The following HDAC4 variants were observed in gnomAD, a reference collection of about 807,000 sequenced individuals.
HDAC4 encodes the protein histone deacetylase A.
A neutral mutation model predicts 135.1 loss-of-function variants in HDAC4; 16 were observed. That is an observed-to-expected ratio of 0.12 (90% confidence interval 0.08 to 0.18). The LOEUF is 0.18. HDAC4 is among the 10% of genes least tolerant of loss of function. The probability of loss-of-function intolerance (pLI) is 1.00; values close to 1 mark genes in which losing one functional copy is unlikely to be tolerated. For synonymous variants in HDAC4, 685 were observed against 653.4 expected (o/e 1.05, Z -0.74); for missense variants, 1,143 against 1,511.8 (o/e 0.76, Z 4.05).
chr2:239,120,674 G>A (rs1043449745), intron 12 of HDAC4, among the ~76,000 whole-genome samples: 27 of 151,878 alleles, frequency 1.8e-4, no homozygotes, highest in East Asian at 1.9e-4. Flanking sequence ...AGGGGACCCT[G>A]TGGGGCTGCC....
At chr2:239,310,614 G>A (rs1261465212) in intron 2 of HDAC4, among the ~76,000 whole-genome samples, 1 of 152,176 alleles carries the variant, frequency 6.6e-6, no homozygotes, top group Non-Finnish European at 1.5e-5. Context: ...AGGGCTAAAT[G>A]GCTTCAGGAG....
At chr2:239,169,265 C>T (rs946001639) in intron 5 of HDAC4, among the ~76,000 whole-genome samples, 3 of 152,222 alleles carry the variant, frequency 2.0e-5, no homozygotes, top group African/African-American at 7.2e-5. Context: ...CCTGGGCTAC[C>T]GGCGAACCAC....
chr2:239,133,879 A>G lies in HDAC4; in HGVS notation c.1294+366T>C, dbSNP rs570829558. Among the ~76,000 whole-genome samples, 34 of 152,336 alleles carry G rather than the reference A, an allele frequency of 2.2e-4. No individual in the cohort carries two copies. The South Asian group carries it at 3.7e-3, about 17-fold the overall frequency. ...TTTTTCTAAATGTAACCACTCCCCC[A>G]GACAGTGCACATTTGTAAAAGTTCG... is the stretch of plus-strand genomic sequence containing the variant. On this transcript the variant is annotated intron_variant, in intron 11 of 26. Transcript: ENST00000543185.
chr2:239,057,041 C>A (rs974248426), intron 24 of HDAC4, among the ~76,000 whole-genome samples: 1 of 152,172 alleles, frequency 6.6e-6, no homozygotes, highest in Middle Eastern at 3.2e-3. Flanking sequence ...GGAGAAAGGG[C>A]AGTTGTGGTA....
At chr2:239,112,778 C>T (rs905086279) in intron 13 of HDAC4, among the ~76,000 whole-genome samples, 2 of 152,212 alleles carry the variant, frequency 1.3e-5, no homozygotes, top group South Asian at 2.1e-4. Context: ...GGGAGCTCTG[C>T]GCCAATCCTG....
intron 2 of HDAC4, among the ~76,000 whole-genome samples, chr2:239,283,515 G>C (rs909672841): frequency 1.3e-5 from 2 of 152,234 alleles, no homozygotes; most frequent in Admixed American, 6.5e-5. Flanking sequence ...AGGCTAGAAG[G>C]GGCCTGACCA....
chr2:239,371,867 G>C (rs1184177043), intron 1 of HDAC4, among the ~76,000 whole-genome samples: 1 of 152,242 alleles, frequency 6.6e-6, no homozygotes, highest in Non-Finnish European at 1.5e-5. Flanking sequence ...GGAATCAAGT[G>C]ATAGCACAGG....
chr2:239,122,704 G>A lies in HDAC4; in HGVS notation c.1533+3752C>T, dbSNP rs145595133. Among the ~76,000 whole-genome samples the A allele has an allele frequency of 4.6e-5, 7 of 152,366 alleles. No individual in the cohort carries two copies. The East Asian group carries it at 1.3e-3, about 29-fold the overall frequency. The stretch of plus-strand genomic sequence containing the variant: ...CAGGCTGCAGGCCTCGGGAAAACTA[G>A]AGTGGCTACATATGGCTGCAGGGAA... On this transcript the variant is annotated intron_variant, in intron 12 of 26. Transcript: ENST00000543185.
At chr2:239,063,054 T>C (rs937455742) in intron 24 of HDAC4, among the ~76,000 whole-genome samples, 1 of 152,174 alleles carries the variant, frequency 6.6e-6, no homozygotes, top group Non-Finnish European at 1.5e-5. Context: ...GGCTAAGTCT[T>C]GTGCCCTTGG....
intron 2 of HDAC4, among the ~76,000 whole-genome samples, chr2:239,290,583 A>G (rs946252571): frequency 9.3e-5 from 7 of 75,472 alleles, no homozygotes; most frequent in African/African-American, 3.5e-4. Context: ...GGGAGTAGGC[A>G]CACACACACA....
Position 239,341,956 on chromosome 2 carries a change from C to T in HDAC4, c.22+10722G>A, listed in dbSNP as rs1045468872. ...CTTATTATAGAGGTTCAAGTGAGAC[C>T]CCTCACCCCTTCCAACAGGTGAGGA... On this transcript the variant is annotated intron_variant, in intron 2 of 26. Coordinates refer to ENST00000543185, the MANE Select transcript of HDAC4 (RefSeq NM_001378414.1). Among the ~76,000 whole-genome samples, 8 of 152,084 alleles carry T rather than the reference C, an allele frequency of 5.3e-5. No individual in the cohort carries two copies. The South Asian group carries it at 8.3e-4, about 16-fold the overall frequency.
chr2:239,169,224 C>T (rs2043297566), intron 5 of HDAC4, among the ~76,000 whole-genome samples: 1 of 152,164 alleles, frequency 6.6e-6, no homozygotes, highest in South Asian at 2.1e-4. Flanking sequence ...AACTATTTTC[C>T]CTACTCCAAA....
chr2:239,163,780 G>A (rs1267190377), intron 6 of HDAC4, 23 bp downstream of exon 6: 9 of 1,613,500 alleles, frequency 5.6e-6, no homozygotes, highest in East Asian at 2.2e-5. Flanking sequence ...GGAGGCCGGG[G>A]TGCTCCCCAC....
chr2:239,078,897 G>GCACCC (rs1348110688), intron 22 of HDAC4, among the ~76,000 whole-genome samples: 1 of 152,228 alleles, frequency 6.6e-6, no homozygotes, highest in Non-Finnish European at 1.5e-5. Flanking sequence ...AAAGAGGGCA[G>GCACCC]CACCCCCTTT....
chr2:239,266,284 A>G lies in HDAC4; in HGVS notation c.23-29620T>C, dbSNP rs559674889. Among the ~76,000 whole-genome samples, 17 of 152,254 alleles carry G rather than the reference A, an allele frequency of 1.1e-4. No individual in the cohort carries two copies. The South Asian group carries it at 3.1e-3, about 28-fold the overall frequency. On this transcript the variant is annotated intron_variant, in intron 2 of 26. Transcript: ENST00000543185. The stretch of plus-strand genomic sequence containing the variant: ...GGGAAACGTGCCCCTGATTCTCCAT[A>G]GGCCGGGACCCTGGTCCCAGGAGCC...
chr2:239,250,112 G>A (rs2048700622), intron 2 of HDAC4, among the ~76,000 whole-genome samples: 1 of 152,250 alleles, frequency 6.6e-6, no homozygotes, highest in Non-Finnish European at 1.5e-5. Flanking sequence ...GGAATACCCC[G>A]CTCCACATCT....
intron 3 of HDAC4, among the ~76,000 whole-genome samples, chr2:239,193,866 G>A (rs572494986): frequency 6.6e-6 from 1 of 152,354 alleles, no homozygotes; most frequent in East Asian, 1.9e-4. Context: ...CCAAGTTCAT[G>A]TTTGCTCCAA....
rs1691557997 is a variant in HDAC4 at position 239,331,329 on chromosome 2, G to A, written c.22+21349C>T. On this transcript the variant is annotated intron_variant, in intron 2 of 26. Coordinates refer to ENST00000543185, the MANE Select transcript of HDAC4 (RefSeq NM_001378414.1). The surrounding 1 kb of genome is among the most constrained non-coding windows in gnomAD (Gnocchi z 4.5). The stretch of plus-strand genomic sequence containing the variant: ...GAGGGAAGACAAGCAGGAAGGGGTG[G>A]GGTGGCCCTGCCCACTGCATTTCTG... Among the ~76,000 whole-genome samples, 6 of 152,208 alleles carry A rather than the reference G, an allele frequency of 3.9e-5. No homozygotes were observed. In the South Asian group the frequency reaches 1.2e-3, roughly 32 times the overall value.
chr2:239,328,845 G>C (rs866635730), intron 2 of HDAC4, among the ~76,000 whole-genome samples: 3 of 152,248 alleles, frequency 2.0e-5, no homozygotes, highest in Non-Finnish European at 4.4e-5. Flanking sequence ...CGGTGGAGCT[G>C]GGCTTGGTGT....
Sources: gnomAD v4.1 joint callset for allele counts (sites outside exome capture counted in the v4.1 genomes callset) on GRCh38, gnomAD v4.1.1 for gene constraint, Gnocchi (gnomAD v3.1) non-coding constraint, MANE v1.5 for transcripts, NCBI Gene and HGNC (gene_info 2026-07-23, HGNC 2026-07-21) for gene names.